ZNF83: variants seen among roughly 807,000 people sequenced by gnomAD.
ZNF83 encodes the protein zinc finger protein 83, also known as zinc finger protein 816B.
For synonymous variants in ZNF83, 209 were observed against 213.0 expected, an observed-to-expected ratio of 0.98 and a Z score of 0.17; for missense variants, 552 against 629.9, an observed-to-expected ratio of 0.88 and a Z score of 1.32.
intron 2 of ZNF83, among the ~76,000 whole-genome samples, chr19:52,656,851 C>T (rs7259397): frequency 2.8e-5 from 4 of 144,910 alleles, no homozygotes; most frequent in Admixed American, 7.1e-5. Context: ...ATCGACAGAG[C>T]GAGACTCCGT....
At chr19:52,647,655 C>CT (rs1295232515) in intron 3 of ZNF83, among the ~76,000 whole-genome samples, 4 of 151,548 alleles carry the variant, frequency 2.6e-5, no homozygotes, top group Admixed American at 2.0e-4. Context: ...CTCTCTAGCT[C>CT]TTTTTTTTCT....
chr19:52,620,654 A>G (rs1044038121), intron 2 of ZNF83, among the ~76,000 whole-genome samples: 1 of 152,246 alleles, frequency 6.6e-6, no homozygotes, highest in Non-Finnish European at 1.5e-5. Flanking sequence ...TATTTACTAA[A>G]CACAAAGAAG....
At chr19:52,668,796 C>T (rs540645650) in intron 1 of ZNF83, among the ~76,000 whole-genome samples, 9 of 152,214 alleles carry the variant, frequency 5.9e-5, no homozygotes, top group South Asian at 4.1e-4. Context: ...CCCCTTTCCA[C>T]GAGGGCTGTC....
chr19:52,643,192 T>C (rs1470029067), upstream of ZNF83, among the ~76,000 whole-genome samples: 1 of 151,014 alleles, frequency 6.6e-6, no homozygotes, highest in Non-Finnish European at 1.5e-5. Context: ...AAACTAAAAA[T>C]AAAAATACAA....
intron 1 of ZNF83, among the ~76,000 whole-genome samples, chr19:52,670,968 T>C (rs1324098133): frequency 3.3e-5 from 5 of 152,208 alleles, no homozygotes. Flanking sequence ...AGAAAATAGA[T>C]GATGAATGTT....
intron 1 of ZNF83, among the ~76,000 whole-genome samples, chr19:52,664,299 C>T (rs1485892440): frequency 6.6e-6 from 1 of 151,648 alleles, no homozygotes; most frequent in African/African-American, 2.4e-5. Context: ...AGTTCGAGAC[C>T]AGCCTGGGCA....
intron 1 of ZNF83, among the ~76,000 whole-genome samples, chr19:52,681,545 G>T (rs1670592235): frequency 6.6e-6 from 1 of 152,132 alleles, no homozygotes; most frequent in Admixed American, 6.6e-5. Context: ...CATGTCTTAA[G>T]CCATAAAATA....
intron 2 of ZNF83, among the ~76,000 whole-genome samples, chr19:52,625,830 TAC>T (rs891787419): frequency 6.6e-6 from 1 of 152,120 alleles, no homozygotes; most frequent in Non-Finnish European, 1.5e-5. Context: ...CCTCCCCCTC[TAC>T]ACAGTTACCC....
At chr19:52,648,476 A>G (rs1412991817) in intron 3 of ZNF83, among the ~76,000 whole-genome samples, 2 of 152,094 alleles carry the variant, frequency 1.3e-5, no homozygotes, top group Non-Finnish European at 2.9e-5. Context: ...GAGAGAGAGA[A>G]AGACAAATTC....
intron 2 of ZNF83, among the ~76,000 whole-genome samples, chr19:52,620,833 A>G (rs576790284): frequency 1.3e-5 from 2 of 152,114 alleles, no homozygotes; most frequent in Non-Finnish European, 2.9e-5. Flanking sequence ...CCCTGCCCCA[A>G]CTGACCAATG....
At chr19:52,671,086 G>A (rs2061718592) in intron 1 of ZNF83, among the ~76,000 whole-genome samples, 2 of 152,238 alleles carry the variant, frequency 1.3e-5, no homozygotes, top group Middle Eastern at 3.4e-3. Context: ...CTTTGCAGAC[G>A]CACATGAACC....
At chr19:52,639,717 C>G (rs970260070), upstream of ZNF83, among the ~76,000 whole-genome samples, 1 of 151,524 alleles carries the variant, frequency 6.6e-6, no homozygotes, top group Non-Finnish European at 1.5e-5. Flanking sequence ...ACTTCCTGGC[C>G]CAAAAAATAT....
At chr19:52,625,524 C>T (rs2147123873) in intron 2 of ZNF83, among the ~76,000 whole-genome samples, 1 of 152,310 alleles carries the variant, frequency 6.6e-6, no homozygotes, top group South Asian at 2.1e-4. Flanking sequence ...TTTTCACCTT[C>T]TCAATGCTCC....
chr19:52,619,412 G>A (rs1003671726), intron 2 of ZNF83, among the ~76,000 whole-genome samples: 18 of 152,154 alleles, frequency 1.2e-4, no homozygotes, highest in African/African-American at 4.1e-4. Flanking sequence ...TGGATCACAA[G>A]GTCAGGAATT....
Position 52,673,285 on chromosome 19 carries a change from C to T in ZNF83, c.-282-12442G>A, listed in dbSNP as rs189196744. 2.6e-3 allele frequency among the ~76,000 whole-genome samples: 403 copies of T among 152,206 alleles called. 3 individuals are homozygous for T. Among genetic ancestry groups the T allele is most frequent in the Non-Finnish European group, 4.0e-3 (274 of 68,002 alleles). ...CTTTGGGAGCCAAGATGGGTGGATC[C>T]CCTGAGGTCAAGAGTTCGAGACCAG... On this transcript the variant is annotated intron_variant, in intron 1 of 5. Coordinates refer to the ZNF83 transcript ENST00000594682.
intron 1 of ZNF83, among the ~76,000 whole-genome samples, chr19:52,686,609 T>C (rs2062021573): frequency 6.6e-6 from 1 of 152,254 alleles, no homozygotes; most frequent in South Asian, 2.1e-4. Flanking sequence ...AGACTCGCTA[T>C]GCCACCCAGG....
intron 3 of ZNF83, chr19:52,654,897 C>T (rs1345758504): frequency 6.5e-6 from 1 of 152,934 alleles, no homozygotes. Context: ...AAAACCAGAA[C>T]AAAAGGCCAA....
Position 52,653,327 on chromosome 19 carries a change from C to T in ZNF83, c.-74+2234G>A, listed in dbSNP as rs779068494. ...TCATTACATGTGTAAGGTTTCTCTCCAGTATGAACTCTCTGATGTTGTGCA... is the reference window on the plus strand; with the variant it reads ...TCATTACATGTGTAAGGTTTCTCTCTAGTATGAACTCTCTGATGTTGTGCA... On this transcript the variant is annotated intron_variant, in intron 3 of 5. Coordinates refer to the ZNF83 transcript ENST00000594682. 15 of 1,286,670 alleles carry T rather than the reference C, an allele frequency of 1.2e-5. No individual in the cohort carries two copies. In the East Asian group the frequency reaches 1.8e-4, roughly 16 times the overall value. 79.7% of individuals were successfully genotyped at this position (1,286,670 alleles called of 1,614,324 possible).
chr19:52,678,850 C>T (rs2061861494), intron 1 of ZNF83, among the ~76,000 whole-genome samples: 1 of 151,896 alleles, frequency 6.6e-6, no homozygotes, highest in South Asian at 2.1e-4. Context: ...TGGTACATGC[C>T]TGTAATCCCA....
Sources: gnomAD v4.1 joint callset for allele counts (sites outside exome capture counted in the v4.1 genomes callset) on GRCh38, gnomAD v4.1.1 for gene constraint, MANE v1.5 for transcripts, NCBI Gene and HGNC (gene_info 2026-07-23, HGNC 2026-07-21) for gene names.